The following CMSS1 variants were observed in gnomAD, a reference collection of about 807,000 sequenced individuals.
CMSS1 encodes the protein cms1 ribosomal small subunit homolog, also known as protein CMSS1.
Under a neutral mutation model 43.5 loss-of-function variants are expected in CMSS1, and 33 were observed. The observed-to-expected ratio is 0.76, with a 90% confidence interval of 0.57 to 1.01. The LOEUF is 1.01. Among genes scored for constraint, CMSS1 ranks in the 50% least tolerant of loss-of-function variants. The probability of loss-of-function intolerance (pLI) is 0.00; values close to 1 mark genes in which losing one functional copy is unlikely to be tolerated. For missense variants in CMSS1, 313 were observed against 326.4 expected (o/e 0.96, Z 0.32); for synonymous variants, 115 against 117.2 (o/e 0.98, Z 0.12).
intron 2 of CMSS1, chr3:100,160,015 C>T (rs149226879): frequency 7.6e-4 from 332 of 436,786 alleles, no homozygotes; most frequent in African/African-American, 6.2e-3. Context: ...GAAATGTAGG[C>T]TCACACACAG....
chr3:99,925,608 G>A (rs1707267365), intron 1 of CMSS1, among the ~76,000 whole-genome samples: 1 of 152,134 alleles, frequency 6.6e-6, no homozygotes, highest in Non-Finnish European at 1.5e-5. Context: ...ACAAAAGTAG[G>A]GATTCAGAGA....
At chr3:100,116,568 G>A (rs1321957934) in intron 1 of CMSS1, among the ~76,000 whole-genome samples, 1 of 152,154 alleles carries the variant, frequency 6.6e-6, no homozygotes, top group African/African-American at 2.4e-5. Flanking sequence ...TCTGGGGATT[G>A]CGTGAGCTCA....
At chr3:100,166,204 A>G in intron 4 of CMSS1, 131 bp from the exon 5 acceptor site, 1 of 596,676 alleles carries the variant, frequency 1.7e-6, no homozygotes, top group South Asian at 2.3e-5. Flanking sequence ...CAACACTTTA[A>G]GATATAAAAT....
intron 1 of CMSS1, among the ~76,000 whole-genome samples, chr3:99,968,896 T>C (rs1708732440): frequency 6.6e-6 from 1 of 152,152 alleles, no homozygotes; most frequent in African/African-American, 2.4e-5. Flanking sequence ...AACCTCTCTT[T>C]CAAGTCACTT....
intron 1 of CMSS1, among the ~76,000 whole-genome samples, chr3:99,891,013 AT>A (rs1344687632): frequency 6.6e-6 from 1 of 151,698 alleles, no homozygotes; most frequent in South Asian, 2.1e-4. Context: ...TTTAAACTGA[AT>A]TTTTTGACCT....
At chr3:99,824,097 A>T (rs1304824221) in intron 1 of CMSS1, among the ~76,000 whole-genome samples, 1 of 151,840 alleles carries the variant, frequency 6.6e-6, no homozygotes, top group Non-Finnish European at 1.5e-5. Flanking sequence ...TAACTTTTGT[A>T]TATTTAGCAG....
intron 1 of CMSS1, among the ~76,000 whole-genome samples, chr3:99,882,301 G>A (rs1032883501): frequency 5.9e-5 from 9 of 152,040 alleles, no homozygotes; most frequent in Non-Finnish European, 1.2e-4. Flanking sequence ...TATGAAGGTG[G>A]CTTCTAATTG....
intron 1 of CMSS1, among the ~76,000 whole-genome samples, chr3:99,904,347 AT>A (rs1223607329): frequency 6.6e-6 from 1 of 152,226 alleles, no homozygotes; most frequent in East Asian, 1.9e-4. Context: ...CCAATCAAGT[AT>A]TTGTAACCAT....
At chr3:100,150,722 G>T (rs912859295) in intron 2 of CMSS1, among the ~76,000 whole-genome samples, 3 of 152,140 alleles carry the variant, frequency 2.0e-5, no homozygotes, top group Non-Finnish European at 4.4e-5. Context: ...TTTGCCAATA[G>T]TTCTTTTTCC....
At chr3:99,968,328 A>G (rs1308808116) in intron 1 of CMSS1, among the ~76,000 whole-genome samples, 1 of 152,140 alleles carries the variant, frequency 6.6e-6, no homozygotes, top group Non-Finnish European at 1.5e-5. Context: ...ACTTAGGGGT[A>G]CGAGTGAGAA....
chr3:100,036,326 G>T (rs1026835340), intron 1 of CMSS1, among the ~76,000 whole-genome samples: 1 of 152,118 alleles, frequency 6.6e-6, no homozygotes, highest in Non-Finnish European at 1.5e-5. Context: ...AAAAAGATGA[G>T]CCTGGAACAT....
chr3:99,878,318 C>A (rs1412313113), intron 1 of CMSS1, among the ~76,000 whole-genome samples: 1 of 152,182 alleles, frequency 6.6e-6, no homozygotes, highest in East Asian at 1.9e-4. Context: ...ATTTAATCTT[C>A]ACAACACATT....
chr3:99,834,933 T>G (rs1265229626), intron 1 of CMSS1, among the ~76,000 whole-genome samples: 1 of 152,138 alleles, frequency 6.6e-6, no homozygotes. Context: ...CTTTGGGGAG[T>G]AGAGATATTG....
chr3:99,885,640 TG>T (rs1705868598), intron 1 of CMSS1, among the ~76,000 whole-genome samples: 1 of 152,228 alleles, frequency 6.6e-6, no homozygotes, highest in Admixed American at 6.5e-5. Flanking sequence ...GGTGGCTGAC[TG>T]ACTTTTAGTT....
At chr3:100,138,721 A>G (rs1001844826) in intron 1 of CMSS1, among the ~76,000 whole-genome samples, 4 of 152,194 alleles carry the variant, frequency 2.6e-5, no homozygotes, top group Non-Finnish European at 5.9e-5. Context: ...AGAAATAAAA[A>G]CACTTTTACA....
intron 2 of CMSS1, among the ~76,000 whole-genome samples, chr3:100,158,433 C>G (rs1016345180): frequency 1.8e-4 from 28 of 152,170 alleles, no homozygotes; most frequent in African/African-American, 6.8e-4. Context: ...ATCTTCCTAC[C>G]TAGTCTCCCT....
chr3:100,073,049 T>A (rs2065788547), intron 1 of CMSS1, among the ~76,000 whole-genome samples: 2 of 152,176 alleles, frequency 1.3e-5, no homozygotes, highest in South Asian at 4.1e-4. Flanking sequence ...AAAGCATAAT[T>A]AGTTTATGTG....
rs555226778 is a variant in CMSS1 at position 99,903,274 on chromosome 3, C to T, written c.64+85231C>T. Among the ~76,000 whole-genome samples, 1,417 of 150,002 alleles carry T rather than the reference C, an allele frequency of 9.4e-3. 25 individuals carry two copies. Among genetic ancestry groups the T allele is most frequent in the Admixed American group, 0.044 (669 of 15,074 alleles). The stretch of plus-strand genomic sequence containing the variant: ...CATATGCATGTTTTTTTTTTTGAGA[C>T]GGAATCTCGCTCTGTCACCCAGGCT... On this transcript the variant is annotated intron_variant, in intron 1 of 9. Coordinates refer to ENST00000421999, the MANE Select transcript of CMSS1 (RefSeq NM_032359.4).
intron 8 of CMSS1, among the ~76,000 whole-genome samples, chr3:100,173,350 A>G (rs1286760210): frequency 6.6e-6 from 1 of 152,192 alleles, no homozygotes; most frequent in African/African-American, 2.4e-5. Flanking sequence ...ATGTTACCTC[A>G]TTTAGCACTC....
Sources: gnomAD v4.1 joint callset for allele counts (sites outside exome capture counted in the v4.1 genomes callset) on GRCh38, gnomAD v4.1.1 for gene constraint, MANE v1.5 for transcripts, NCBI Gene and HGNC (gene_info 2026-07-23, HGNC 2026-07-21) for gene names.